The following TNS1 variants were observed in gnomAD, a reference collection of about 807,000 sequenced individuals.
The protein encoded by TNS1 is tensin 1, also known as tensin-1.
A neutral mutation model predicts 168.6 loss-of-function variants in TNS1; 62 were observed. The observed-to-expected ratio is 0.37, with a 90% CI of 0.30 to 0.45. TNS1 has a LOEUF of 0.45. Among genes scored for constraint, TNS1 ranks in the 20% least tolerant of loss-of-function variants. TNS1 has a pLI of 1.00. For synonymous variants in TNS1, 934 were observed against 933.2 expected (o/e 1.00, Z -0.02); for missense variants, 2,240 against 2,339.4 (o/e 0.96, Z 0.88).
At chr2:217,839,720 C>T (rs553199117) in intron 19 of TNS1, among the ~76,000 whole-genome samples, 4 of 152,316 alleles carry the variant, frequency 2.6e-5, no homozygotes, top group African/African-American at 9.6e-5. Context: ...GCCTCCTCTG[C>T]ACCCCCCAGA....
At chr2:217,830,795 C>T (rs931367992) in intron 22 of TNS1, among the ~76,000 whole-genome samples, 19 of 152,174 alleles carry the variant, frequency 1.2e-4, no homozygotes, top group South Asian at 2.1e-4. Flanking sequence ...GTCAGAAGCC[C>T]GGAGGTGGCA....
intron 3 of TNS1, among the ~76,000 whole-genome samples, chr2:217,964,940 T>A (rs181975565): frequency 2.9e-3 from 441 of 152,258 alleles, no homozygotes; most frequent in South Asian, 7.7e-3. Flanking sequence ...ATTGGCCAAG[T>A]CACTCATCAG....
intron 1 of TNS1, among the ~76,000 whole-genome samples, chr2:218,031,147 T>TG (rs1491472898): frequency 7.4e-6 from 1 of 134,392 alleles, no homozygotes; most frequent in Admixed American, 7.1e-5. Flanking sequence ...TGTGTATGTG[T>TG]TGTGTGAGCA....
intron 19 of TNS1, chr2:217,841,171 G>A: frequency 3.1e-6 from 3 of 968,738 alleles, no homozygotes; most frequent in Non-Finnish European, 3.7e-6. Flanking sequence ...GAGCTGGAAA[G>A]GGAGAAGGGG....
intron 1 of TNS1, among the ~76,000 whole-genome samples, chr2:218,031,565 CTG>C (rs58927791): frequency 0.29 from 43,408 of 151,504 alleles, 9,003 homozygotes; most frequent in African/African-American, 0.58. Context: ...ATGTGTGTGT[CTG>C]TGTGTGTGTG....
rs535022358 is a variant in TNS1, at chr2:217,968,412, T to C, written c.186+10353A>G. 3.3e-5 allele frequency among the ~76,000 whole-genome samples: 5 copies of C among 152,252 alleles called. No individual in the cohort carries two copies. In the East Asian group the frequency reaches 9.6e-4, roughly 29 times the overall value. On this transcript the variant is annotated intron_variant, in intron 3 of 32. Transcript: ENST00000682258. ...ATCCTAAGGAACCCCTTAAATACTA[T>C]TAGAATTAATAAATACTGATGATTG...
chr2:217,994,727 G>C (rs1048949819), intron 1 of TNS1, among the ~76,000 whole-genome samples: 1 of 152,218 alleles, frequency 6.6e-6, no homozygotes, highest in East Asian at 1.9e-4. Context: ...CAAGAAATCT[G>C]AGTTTACAAA....
At chr2:217,940,831 C>T (rs773557462) in intron 3 of TNS1, among the ~76,000 whole-genome samples, 15 of 152,080 alleles carry the variant, frequency 9.9e-5, no homozygotes, top group Admixed American at 4.6e-4. Context: ...GAAGCACTCA[C>T]GGGCACTTCC....
chr2:218,031,098 CTGTG>C (rs1209737083), intron 1 of TNS1, among the ~76,000 whole-genome samples: 5 of 125,034 alleles, frequency 4.0e-5, no homozygotes, highest in South Asian at 5.5e-4. Context: ...GTGAGCGTGT[CTGTG>C]TGTATGAGTG....
intron 12 of TNS1, chr2:217,890,740 G>C (rs1315206978): frequency 1.7e-6 from 1 of 592,484 alleles, no homozygotes; most frequent in African/African-American, 1.9e-5. Context: ...ACAGGCCTCA[G>C]AGTCAAGTGC....
Position 217,831,552 on chromosome 2 carries a change from G to T in TNS1, c.3281-5C>A. On this transcript the variant is annotated splice_region_variant and splice_polypyrimidine_tract_variant and intron_variant, in intron 21 of 32. Transcript: ENST00000682258. Reference sequence around the variant, plus strand: ...CCAGACCCGGGGGGGACCGCACTGTGCCAGGAAGAAGAGGGGAGACACAGG... The same window carrying T: ...CCAGACCCGGGGGGGACCGCACTGTTCCAGGAAGAAGAGGGGAGACACAGG... 1 of 1,490,934 alleles carries T rather than the reference G, an allele frequency of 6.7e-7. No homozygotes were observed. The highest frequency in any genetic ancestry group is 2.4e-5 in the Admixed American group (1 of 41,862). The allele number at this position is 1,490,934 out of a possible 1,614,324, so 92.4% of individuals were successfully genotyped here.
At position 217,839,273 on chromosome 2, in the gene TNS1, T is replaced by C. The variant is rs541582070; in HGVS notation, c.3008-3062A>G. On this transcript the variant is annotated intron_variant, in intron 19 of 32. Transcript: ENST00000682258. Reference sequence around the variant, plus strand: ...TACCCTTATGACAACAAAGTATCTTTAGGACCCTAACACCCTATGTTCAAG... The same window carrying C: ...TACCCTTATGACAACAAAGTATCTTCAGGACCCTAACACCCTATGTTCAAG... Among the ~76,000 whole-genome samples, 7 of 152,220 alleles carry C rather than the reference T, an allele frequency of 4.6e-5. No homozygotes were observed. The South Asian group carries it at 1.5e-3, about 32-fold the overall frequency.
intron 2 of TNS1, 55 bp downstream of exon 2, chr2:217,990,887 C>T: frequency 1.9e-6 from 1 of 514,180 alleles, no homozygotes. Context: ...CAGGCCCAGC[C>T]ATCTCATTCC....
At chr2:217,824,058 G>T (rs1461279796) in intron 22 of TNS1, among the ~76,000 whole-genome samples, 1 of 152,226 alleles carries the variant, frequency 6.6e-6, no homozygotes, top group Non-Finnish European at 1.5e-5. Context: ...ATCTTAGGCT[G>T]GTGGGTAAGG....
intron 3 of TNS1, among the ~76,000 whole-genome samples, chr2:217,924,490 A>G (rs1474958774): frequency 1.3e-5 from 2 of 152,220 alleles, no homozygotes; most frequent in South Asian, 4.1e-4. Flanking sequence ...TATCCGTCAA[A>G]CTAGTCCAGC....
chr2:217,992,177 G>T (rs1293577680), intron 1 of TNS1, among the ~76,000 whole-genome samples: 1 of 152,144 alleles, frequency 6.6e-6, no homozygotes. Flanking sequence ...CCTGCCCCAG[G>T]CACTCACCCT....
chr2:217,945,309 C>T (rs1439787360), intron 3 of TNS1, among the ~76,000 whole-genome samples: 6 of 152,214 alleles, frequency 3.9e-5, no homozygotes, highest in East Asian at 1.9e-4. Context: ...CTTCAGTTTT[C>T]CCCAGAAGTA....
intron 18 of TNS1, among the ~76,000 whole-genome samples, chr2:217,861,753 A>C (rs1280036818): frequency 6.6e-6 from 1 of 152,228 alleles, no homozygotes; most frequent in African/African-American, 2.4e-5. Flanking sequence ...ACACATGAAA[A>C]GCTCTCAGCA....
intron 1 of TNS1, among the ~76,000 whole-genome samples, chr2:217,991,302 C>T (rs994954296): frequency 6.6e-6 from 1 of 151,748 alleles, no homozygotes; most frequent in Non-Finnish European, 1.5e-5. Flanking sequence ...GCTCCAGGGA[C>T]CTGCAGCCCC....
Sources: allele counts gnomAD v4.1 joint callset (sites outside exome capture counted in the v4.1 genomes callset), GRCh38; gene constraint gnomAD v4.1.1; transcripts MANE v1.5; gene names NCBI Gene and HGNC (gene_info 2026-07-23, HGNC 2026-07-21).